Variants in HDX observed in about 807,000 individuals in gnomAD.
HDX encodes the protein chromosome X open reading frame 43.
A neutral mutation model predicts 45.2 loss-of-function variants in HDX; 19 were observed. That is an observed-to-expected ratio of 0.42 (90% CI 0.29 to 0.62). The LOEUF (loss-of-function observed/expected upper bound fraction) is 0.62. HDX is among the 20% of genes least tolerant of loss of function. The pLI is 0.20. For missense variants in HDX, 532 were observed against 493.9 expected (o/e 1.08, Z -0.73); for synonymous variants, 188 against 172.8 (o/e 1.09, Z -0.69).
At chrX:84,375,777 G>A (rs2038039115) in intron 5 of HDX, among the ~76,000 whole-genome samples, 1 of 110,009 alleles carries the variant, frequency 9.1e-6, no homozygotes, top group Non-Finnish European at 1.9e-5. Flanking sequence ...ATAGCATTAG[G>A]AGATATACCT....
intron 5 of HDX, among the ~76,000 whole-genome samples, chrX:84,388,035 T>C (rs751341204): frequency 8.0e-5 from 9 of 111,854 alleles, no homozygotes; most frequent in African/African-American, 2.9e-4. Flanking sequence ...CTGAGAAGGA[T>C]TTTGTTTCTT....
intron 2 of HDX, among the ~76,000 whole-genome samples, chrX:84,484,910 C>A (rs1374642797): frequency 9.0e-6 from 1 of 111,471 alleles, no homozygotes; most frequent in Admixed American, 9.5e-5. Context: ...TTTCTAAATA[C>A]AAGCAAGTAA....
intron 5 of HDX, among the ~76,000 whole-genome samples, chrX:84,373,300 G>C (rs1279227950): frequency 1.8e-5 from 2 of 110,883 alleles, no homozygotes; most frequent in East Asian, 2.8e-4. Context: ...GAATCTGTTA[G>C]GGAATGTGGG....
At chrX:84,434,647 T>C (rs2039581806) in intron 5 of HDX, among the ~76,000 whole-genome samples, 1 of 111,286 alleles carries the variant, frequency 9.0e-6, no homozygotes, top group Non-Finnish European at 1.9e-5. Flanking sequence ...GGTTGTATCA[T>C]TTTATGCTTT....
chrX:84,385,453 TC>T (rs1391660960), intron 5 of HDX, among the ~76,000 whole-genome samples: 1 of 109,143 alleles, frequency 9.2e-6, no homozygotes, highest in African/African-American at 3.3e-5. Context: ...GACCTCGTGA[TC>T]CGCCCGCCTC....
At chrX:84,481,632 C>G (rs1008596004) in intron 2 of HDX, among the ~76,000 whole-genome samples, 1 of 111,768 alleles carries the variant, frequency 8.9e-6, no homozygotes, top group Admixed American at 9.5e-5. Context: ...ACTTTTCTCA[C>G]CTTTTTAAGT....
At chrX:84,476,342 A>T (rs942539769) in intron 2 of HDX, among the ~76,000 whole-genome samples, 3 of 110,348 alleles carry the variant, frequency 2.7e-5, no homozygotes, top group Admixed American at 9.7e-5. Flanking sequence ...AGAAAAAAAT[A>T]CCACATCTTT....
At chrX:84,418,535 A>T (rs759192654) in intron 5 of HDX, among the ~76,000 whole-genome samples, 2 of 111,729 alleles carry the variant, frequency 1.8e-5, no homozygotes, top group South Asian at 7.5e-4. Context: ...ATAGTAAGAG[A>T]ACTAAAAATT....
At chrX:84,409,305 G>T (rs1432956340) in intron 5 of HDX, among the ~76,000 whole-genome samples, 1 of 111,389 alleles carries the variant, frequency 9.0e-6, no homozygotes, top group Non-Finnish European at 1.9e-5. Flanking sequence ...CATTGTGGAA[G>T]TCAGTGTGGC....
intron 5 of HDX, among the ~76,000 whole-genome samples, chrX:84,393,043 A>T (rs1404342179): frequency 1.8e-5 from 2 of 111,175 alleles, no homozygotes; most frequent in Non-Finnish European, 3.8e-5. Context: ...ATTACAATAT[A>T]AATATTTTAT....
chrX:84,496,453 T>A (rs760520390), intron 1 of HDX, among the ~76,000 whole-genome samples: 1 of 110,059 alleles, frequency 9.1e-6, no homozygotes, highest in South Asian at 4.0e-4. Flanking sequence ...CAGGAGATTT[T>A]GCAGTTTCTA....
intron 5 of HDX, among the ~76,000 whole-genome samples, chrX:84,433,854 A>C (rs758452797): frequency 1.8e-5 from 2 of 110,523 alleles, no homozygotes; most frequent in East Asian, 5.7e-4. Flanking sequence ...TGTATCCTTC[A>C]ATTCCTTTCA....
chrX:84,389,483 T>C (rs940688217), intron 5 of HDX, among the ~76,000 whole-genome samples: 1 of 111,085 alleles, frequency 9.0e-6, no homozygotes. Flanking sequence ...CTTGGCTACC[T>C]ACTCCAGAGC....
chrX:84,410,493 C>A (rs2038958771), intron 5 of HDX, among the ~76,000 whole-genome samples: 1 of 111,562 alleles, frequency 9.0e-6, no homozygotes, highest in Non-Finnish European at 1.9e-5. Flanking sequence ...TTGAACAAAT[C>A]TTGAATCCCA....
At chrX:84,470,291 C>G (rs1044188539) in intron 3 of HDX, among the ~76,000 whole-genome samples, 1 of 111,566 alleles carries the variant, frequency 9.0e-6, no homozygotes, top group Non-Finnish European at 1.9e-5. Flanking sequence ...GGTTTCCTCA[C>G]ACCCTCACCA....
chrX:84,388,348 T>A (rs773894694), intron 5 of HDX, among the ~76,000 whole-genome samples: 71 of 111,555 alleles, frequency 6.4e-4, no homozygotes, highest in Non-Finnish European at 1.1e-3. Flanking sequence ...CATGTCAACA[T>A]CCTCAGAGAG....
chrX:84,338,002 G>A (rs1379934024), intron 7 of HDX, among the ~76,000 whole-genome samples: 1 of 111,106 alleles, frequency 9.0e-6, no homozygotes, highest in Non-Finnish European at 1.9e-5. Flanking sequence ...GCCATATCAT[G>A]GAGATTATTT....
At chrX:84,406,933 T>C (rs1440419230) in intron 5 of HDX, among the ~76,000 whole-genome samples, 1 of 110,280 alleles carries the variant, frequency 9.1e-6, no homozygotes, top group African/African-American at 3.3e-5. Context: ...TTTGAGCGGG[T>C]GAAAAAAAAA....
intron 4 of HDX, among the ~76,000 whole-genome samples, chrX:84,450,843 G>A (rs189003026): frequency 1.8e-5 from 2 of 111,965 alleles, no homozygotes; most frequent in African/African-American, 6.5e-5. Context: ...ACTATATAGA[G>A]TATCTTCTTA....
Sources: gnomAD v4.1 joint callset for allele counts (sites outside exome capture counted in the v4.1 genomes callset) on GRCh38, gnomAD v4.1.1 for gene constraint, MANE v1.5 for transcripts, NCBI Gene and HGNC (gene_info 2026-07-23, HGNC 2026-07-21) for gene names.